Variants in DET1 observed in about 807,000 individuals in gnomAD.
The protein encoded by DET1 is DET1 homolog.
Under a neutral mutation model 43.7 loss-of-function variants are expected in DET1, and 22 were observed. That is an observed-to-expected ratio of 0.50 (90% CI 0.36 to 0.72). The LOEUF (loss-of-function observed/expected upper bound fraction) is 0.72, where lower values mean the gene tolerates loss of function less well. Among genes scored for constraint, DET1 ranks in the 30% least tolerant of loss-of-function variants. The pLI is 0.00. For synonymous variants in DET1, 315 were observed against 266.2 expected, an observed-to-expected ratio of 1.18 and a Z score of -1.79; for missense variants, 713 against 713.3, an observed-to-expected ratio of 1.00 and a Z score of 0.00.
chr15:88,531,078 T>G lies in DET1; in HGVS notation c.628A>C (p.Lys210Gln). 1 of 1,613,998 alleles carries G rather than the reference T, an allele frequency of 6.2e-7. No individual in the cohort carries two copies. Among genetic ancestry groups the G allele is most frequent in the Non-Finnish European group, 8.5e-7 (1 of 1,179,866 alleles). The change falls in exon 2 of 5, where the codon AAG becomes CAG. Residue 210 changes from lysine (K) to glutamine (Q), a missense_variant. Transcript: ENST00000268148. This position sits in a 1 kb window ranked among gnomAD's most constrained non-coding sequence, Gnocchi z 6.2. The stretch of plus-strand genomic sequence containing the variant: ...TGTGACAAGACCACCTTGTCACACT[T>G]GAACGTGCGTGTATCACATAAGCGG... ...TGRLCDTRTF[K>Q]CDKVVLSHNQ... is the part of the protein sequence containing the mutation.
At chr15:88,505,416 A>G (rs773954769) in intron 7 of DET1, 2 of 152,234 alleles carry the variant, frequency 1.3e-5, no homozygotes, top group Non-Finnish European at 2.9e-5. Flanking sequence ...CATTCCTCCA[A>G]TGGCAAATCT....
rs747942337 is a variant in DET1 at position 88,516,887 on chromosome 15, T to C, written c.1358A>G (p.Gln453Arg). Residue 453 changes from glutamine to arginine, a missense_variant, in exon 4 of 5, where the codon CAG (glutamine) becomes CGG (arginine). By Grantham distance (43) the Gln-to-Arg change is conservative. Coordinates refer to ENST00000268148, the MANE Select transcript of DET1 (RefSeq NM_001144074.3). The surrounding 1 kb of genome is among the most constrained non-coding windows in gnomAD (Gnocchi z 4.4). Reference protein sequence around the residue: ...RLLGQLPISAQSYSGSPYLDL... With the variant: ...RLLGQLPISARSYSGSPYLDL... ...CAGATAGGGGCTACCGCTGTAAGAC[T>C]GAGCACTGATGGGGAGCTGACCCAG... 1 of 1,611,510 alleles carries C rather than the reference T, an allele frequency of 6.2e-7. No individual in the cohort carries two copies. The highest frequency in any genetic ancestry group is 8.5e-7 in the Non-Finnish European group (1 of 1,178,832).
chr15:88,534,192 A>G (rs2056889998), intron 1 of DET1, among the ~76,000 whole-genome samples: 1 of 152,160 alleles, frequency 6.6e-6, no homozygotes, highest in Non-Finnish European at 1.5e-5. Context: ...GTTTTATTAT[A>G]CCTTGATTCA....
At position 88,516,490 on chromosome 15, in the gene DET1, G is replaced by C. The variant is rs1318314515; in HGVS notation, c.1463+292C>G. On this transcript the variant is annotated intron_variant, in intron 4 of 4. Coordinates refer to ENST00000268148, the MANE Select transcript of DET1 (RefSeq NM_001144074.3). This position sits in a 1 kb window ranked among gnomAD's most constrained non-coding sequence, Gnocchi z 4.4. ...CAATGTCAAAAACTATTATGGAATGGTATTAGATTATTAAATGGGAAAGTA... is the reference window on the plus strand; with the variant it reads ...CAATGTCAAAAACTATTATGGAATGCTATTAGATTATTAAATGGGAAAGTA... 6.6e-6 allele frequency among the ~76,000 whole-genome samples: 1 copy of C among 152,154 alleles called. No individual in the cohort carries two copies. The highest frequency in any genetic ancestry group is 1.9e-4 in the East Asian group (1 of 5,204).
At position 88,512,882 on chromosome 15, in the gene DET1, T is replaced by C; in HGVS notation, c.*69A>G. On this transcript the variant is annotated 3_prime_UTR_variant, in exon 5 of 5. Coordinates refer to ENST00000268148, the MANE Select transcript of DET1 (RefSeq NM_001144074.3). Reference sequence around the variant, plus strand: ...GAGCTAGTAGTCGGGAGCTTTTGCTTTGGAGTCCACTGAGATAAGTGAGTG... The same window carrying C: ...GAGCTAGTAGTCGGGAGCTTTTGCTCTGGAGTCCACTGAGATAAGTGAGTG... 7.0e-6 allele frequency: 11 copies of C among 1,571,912 alleles called. No individual in the cohort carries two copies. Among genetic ancestry groups the C allele is most frequent in the Non-Finnish European group, 9.5e-6 (11 of 1,155,414 alleles).
At chr15:88,538,723 C>A (rs2057016347) in intron 1 of DET1, among the ~76,000 whole-genome samples, 1 of 152,296 alleles carries the variant, frequency 6.6e-6, no homozygotes, top group African/African-American at 2.4e-5. Flanking sequence ...ACGGCCGGCT[C>A]AGAGGGGGTT....
chr15:88,541,660 G>A lies in DET1; in HGVS notation c.-11+4880C>T, dbSNP rs149870764. Among the ~76,000 whole-genome samples, 573 of 152,280 alleles carry A rather than the reference G, an allele frequency of 3.8e-3. 3 individuals carry two copies. The highest frequency in any genetic ancestry group is 0.013 in the African/African-American group (553 of 41,548). ...CCTACAATTGTTCAAGCCGTGTGGC[G>A]GGTTGTTACTGGAACTCCTGGCCAC... On this transcript the variant is annotated intron_variant, in intron 1 of 4. Transcript: ENST00000268148.
intron 1 of DET1, among the ~76,000 whole-genome samples, chr15:88,545,420 T>C (rs1321507217): frequency 6.6e-6 from 1 of 152,052 alleles, no homozygotes. Context: ...TTCTTAGTCA[T>C]AAAAGATACC....
intron 1 of DET1, among the ~76,000 whole-genome samples, chr15:88,541,770 T>C (rs952679917): frequency 6.6e-6 from 1 of 152,200 alleles, no homozygotes; most frequent in Non-Finnish European, 1.5e-5. Context: ...CATTCACAAT[T>C]CCACCTCCAA....
At position 88,512,939 on chromosome 15, in the gene DET1, C is replaced by T; in HGVS notation, c.*12G>A. On this transcript the variant is annotated 3_prime_UTR_variant, in exon 5 of 5. Coordinates refer to ENST00000268148, the MANE Select transcript of DET1 (RefSeq NM_001144074.3). ...TCTTGGAAGACCAGATAATCTGGCT[C>T]TGGTGAGGCACCTACGTGCAGCAGT... 1.2e-6 allele frequency: 2 copies of T among 1,611,192 alleles called. No individual in the cohort carries two copies. Among genetic ancestry groups the T allele is most frequent in the Non-Finnish European group, 1.7e-6 (2 of 1,177,522 alleles).
intron 1 of DET1, among the ~76,000 whole-genome samples, chr15:88,534,688 C>G (rs987391384): frequency 2.2e-4 from 34 of 152,180 alleles, no homozygotes; most frequent in Non-Finnish European, 3.7e-4. Flanking sequence ...AGACTGGCCA[C>G]TGAATGTCAC....
intron 2 of DET1, among the ~76,000 whole-genome samples, chr15:88,529,420 G>A (rs1464656412): frequency 6.6e-6 from 1 of 152,138 alleles, no homozygotes; most frequent in Non-Finnish European, 1.5e-5. Context: ...TGCATAAGAT[G>A]AACCAGATGC....
Position 88,531,042 on chromosome 15 carries a change from G to C in DET1, c.664C>G (p.Leu222Val). The C allele has an allele frequency of 6.2e-7, 1 of 1,613,744 alleles. No homozygotes were observed. Among genetic ancestry groups the C allele is most frequent in the Non-Finnish European group, 8.5e-7 (1 of 1,179,766 alleles). The stretch of plus-strand genomic sequence containing the variant: ...GCCAGGATGTTTTTGTACAAGTACA[G>C]CCCTTGGTTGTGTGACAAGACCACC... ...DKVVLSHNQG[L>V]YLYKNILAIL... The change falls in exon 2 of 5, where the codon CTG (leucine) becomes GTG (valine). Residue 222 changes from leucine to valine, a missense_variant. By Grantham distance (32) the Leu-to-Val change is conservative. Transcript: ENST00000268148. The surrounding 1 kb of genome is among the most constrained non-coding windows in gnomAD (Gnocchi z 6.2).
chr15:88,505,019 A>T (rs1471504439), intron 7 of DET1: 1 of 152,174 alleles, frequency 6.6e-6, no homozygotes, highest in Non-Finnish European at 1.5e-5. Flanking sequence ...TTTAAGATAT[A>T]CGTATTCAAA....
intron 3 of DET1, among the ~76,000 whole-genome samples, chr15:88,522,808 G>A (rs946178101): frequency 2.0e-5 from 3 of 150,214 alleles, no homozygotes; most frequent in Admixed American, 6.6e-5. Context: ...ATGAGCCACC[G>A]CGCACCCGGC....
At chr15:88,517,005 T>C in intron 3 of DET1, 32 bp from the exon 4 acceptor site, 1 of 1,491,968 alleles carries the variant, frequency 6.7e-7, no homozygotes. Context: ...GAAGGCTTTG[T>C]TAGTGAGTAC....
chr15:88,536,227 G>A, intron 1 of DET1: 2 of 693,684 alleles, frequency 2.9e-6, no homozygotes, highest in African/African-American at 1.8e-5. Context: ...TCTTCCCCAG[G>A]CACCTTACGT....
At chr15:88,527,860 C>G in intron 2 of DET1, 74 bp from the exon 3 acceptor site, 1 of 1,200,476 alleles carries the variant, frequency 8.3e-7, no homozygotes, top group South Asian at 3.0e-5. Context: ...GCACTTATTA[C>G]TTGGCTGAAA....
chr15:88,510,763 T>TG (rs1348986749), downstream of DET1, among the ~76,000 whole-genome samples: 1 of 146,702 alleles, frequency 6.8e-6, no homozygotes, highest in African/African-American at 2.5e-5. Flanking sequence ...TGTTTTGTTT[T>TG]TTTTTTTGTT....
Sources: allele counts gnomAD v4.1 joint callset (sites outside exome capture counted in the v4.1 genomes callset), GRCh38; gene constraint gnomAD v4.1.1; non-coding constraint Gnocchi (gnomAD v3.1); transcripts MANE v1.5; gene names NCBI Gene and HGNC (gene_info 2026-07-23, HGNC 2026-07-21).